The following LYPLAL1 variants were observed in gnomAD, a reference collection of about 807,000 sequenced individuals.
The protein encoded by LYPLAL1 is lysophospholipase like 1.
LYPLAL1 carries 23 observed loss-of-function variants against 19.7 expected under a neutral mutation model. That is an observed-to-expected ratio of 1.17 (90% CI 0.84 to 1.65). The LOEUF is 1.65. LYPLAL1 is among the 40% of genes most tolerant of loss of function. The pLI is 0.00. For missense variants in LYPLAL1, 355 were observed against 279.4 expected (o/e 1.27, Z -1.93); for synonymous variants, 119 against 96.3 (o/e 1.24, Z -1.38).
chr1:219,351,490 G>T, the LYPLAL1 span, among the ~76,000 whole-genome samples: 1 of 151,850 alleles, frequency 6.6e-6, no homozygotes, highest in African/African-American at 2.4e-5. Flanking sequence ...CATTAAAATA[G>T]CAGGGTCTAT....
the LYPLAL1 span, among the ~76,000 whole-genome samples, chr1:219,278,521 C>G: frequency 6.6e-6 from 1 of 152,208 alleles, no homozygotes; most frequent in South Asian, 2.1e-4. Context: ...CAAGTACACA[C>G]AGCTCATAAG....
At chr1:219,280,841 G>T in the LYPLAL1 span, among the ~76,000 whole-genome samples, 1 of 152,056 alleles carries the variant, frequency 6.6e-6, no homozygotes, top group Non-Finnish European at 1.5e-5. Context: ...CGAGGTCAGG[G>T]GTTCAAGACC....
intron 3 of LYPLAL1, among the ~76,000 whole-genome samples, chr1:219,206,382 A>AT (rs1310629481): frequency 6.6e-6 from 1 of 152,188 alleles, no homozygotes; most frequent in South Asian, 2.1e-4. Flanking sequence ...ATTTTATATC[A>AT]TTTTTTAGAC....
the LYPLAL1 span, among the ~76,000 whole-genome samples, chr1:219,297,571 G>A: frequency 6.6e-6 from 1 of 152,186 alleles, no homozygotes; most frequent in Non-Finnish European, 1.5e-5. Flanking sequence ...TGAGAAATGG[G>A]TAAGGCTTCT....
At chr1:219,399,913 AAACCC>A in the LYPLAL1 span, among the ~76,000 whole-genome samples, 1 of 152,138 alleles carries the variant, frequency 6.6e-6, no homozygotes, top group East Asian at 1.9e-4. Context: ...CTCCCACACC[AAACCC>A]GCTGGTCTCT....
the LYPLAL1 span, among the ~76,000 whole-genome samples, chr1:219,328,707 T>C: frequency 1.3e-5 from 2 of 152,120 alleles, no homozygotes; most frequent in Non-Finnish European, 2.9e-5. Context: ...ATATACAGTA[T>C]CTATATCAAT....
At chr1:219,434,549 C>T in the LYPLAL1 span, among the ~76,000 whole-genome samples, 1 of 152,198 alleles carries the variant, frequency 6.6e-6, no homozygotes, top group Middle Eastern at 3.2e-3. Context: ...CAAGCTAATG[C>T]ATTTCTATGA....
chr1:219,182,538 T>TA (rs1656379180), intron 2 of LYPLAL1, among the ~76,000 whole-genome samples: 1 of 152,166 alleles, frequency 6.6e-6, no homozygotes, highest in Non-Finnish European at 1.5e-5. Flanking sequence ...ATGTGATAGA[T>TA]ACGTGCCTTC....
At chr1:219,358,465 C>T in the LYPLAL1 span, among the ~76,000 whole-genome samples, 7 of 152,126 alleles carry the variant, frequency 4.6e-5, no homozygotes, top group African/African-American at 1.7e-4. Context: ...CTATAAAGAA[C>T]TGCCCGAGAC....
chr1:219,236,925 G>A, the LYPLAL1 span, among the ~76,000 whole-genome samples: 2 of 152,006 alleles, frequency 1.3e-5, no homozygotes, highest in African/African-American at 4.8e-5. Flanking sequence ...CCCTTGACAG[G>A]CCCCAGTGTG....
the LYPLAL1 span, among the ~76,000 whole-genome samples, chr1:219,276,076 C>T: frequency 4.6e-5 from 7 of 152,264 alleles, no homozygotes; most frequent in East Asian, 1.4e-3. Flanking sequence ...ATGTTTACTG[C>T]AGCTCCCTCT....
At chr1:219,290,954 A>G in the LYPLAL1 span, among the ~76,000 whole-genome samples, 2 of 152,194 alleles carry the variant, frequency 1.3e-5, no homozygotes, top group Admixed American at 1.3e-4. Context: ...CCTGAGATCA[A>G]ATCCTATATC....
At chr1:219,276,838 A>T in the LYPLAL1 span, among the ~76,000 whole-genome samples, 1 of 152,194 alleles carries the variant, frequency 6.6e-6, no homozygotes, top group Non-Finnish European at 1.5e-5. Context: ...AACCTTCTTT[A>T]TGAAGAATTA....
the LYPLAL1 span, among the ~76,000 whole-genome samples, chr1:219,218,321 TATGAC>T: frequency 5.7e-4 from 86 of 152,152 alleles, no homozygotes; most frequent in Non-Finnish European, 9.3e-4. Flanking sequence ...TTTCTTGACA[TATGAC>T]AAGAGCACAG....
At chr1:219,376,309 T>A in the LYPLAL1 span, among the ~76,000 whole-genome samples, 1 of 152,208 alleles carries the variant, frequency 6.6e-6, no homozygotes, top group East Asian at 1.9e-4. Flanking sequence ...TGAACCTTTA[T>A]CTTACATCAT....
chr1:219,315,235 A>G, the LYPLAL1 span, among the ~76,000 whole-genome samples: 1 of 152,218 alleles, frequency 6.6e-6, no homozygotes, highest in Admixed American at 6.5e-5. Flanking sequence ...CGATGTGCAA[A>G]AGCAAATACA....
the LYPLAL1 span, among the ~76,000 whole-genome samples, chr1:219,388,174 T>C: frequency 6.6e-6 from 1 of 152,200 alleles, no homozygotes; most frequent in Non-Finnish European, 1.5e-5. Flanking sequence ...TTAGACATAG[T>C]AAGCATTCAG....
chr1:219,255,307 T>C, the LYPLAL1 span, among the ~76,000 whole-genome samples: 108 of 152,028 alleles, frequency 7.1e-4, 1 homozygote, highest in South Asian at 0.022. Context: ...GTTTTAATTT[T>C]GAATGTAGAG....
At chr1:219,279,846 C>T in the LYPLAL1 span, among the ~76,000 whole-genome samples, 1 of 151,890 alleles carries the variant, frequency 6.6e-6, no homozygotes, top group African/African-American at 2.4e-5. Flanking sequence ...ATATTTTAGC[C>T]AGTCATATTT....
Sources: allele counts gnomAD v4.1 joint callset (sites outside exome capture counted in the v4.1 genomes callset), GRCh38; gene constraint gnomAD v4.1.1; transcripts MANE v1.5; gene names NCBI Gene and HGNC (gene_info 2026-07-23, HGNC 2026-07-21).